The following CEP162 variants were observed in gnomAD, a reference collection of about 807,000 sequenced individuals.
CEP162 encodes centrosomal protein 162, also known as centrosomal protein of 162 kDa.
A neutral mutation model predicts 169.2 loss-of-function variants in CEP162; 141 were observed. The ratio of observed to expected loss-of-function variants is 0.83; its 90% CI spans 0.73 to 0.96. The LOEUF (loss-of-function observed/expected upper bound fraction) is 0.96. CEP162 is among the 40% of genes least tolerant of loss of function. CEP162 has a pLI of 0.00. For missense variants in CEP162, 1,600 were observed against 1,587.2 expected, an observed-to-expected ratio of 1.01 and a Z score of -0.14; for synonymous variants, 540 against 526.4, an observed-to-expected ratio of 1.03 and a Z score of -0.35.
rs149131177 is a variant in CEP162, at chr6:84,215,832, T to A, written c.263A>T (p.Gln88Leu). 3.4e-4 allele frequency: 534 copies of A among 1,588,414 alleles called. 2 individuals are homozygous for A. In the African/African-American group the frequency reaches 6.4e-3, roughly 19 times the overall value. Reference sequence around the variant, plus strand: ...AGAGGTTCCACTGCTCTTAAGAAATTGAATCTTTTCAGCAGACTCCTCTTC... The same window carrying A: ...AGAGGTTCCACTGCTCTTAAGAAATAGAATCTTTTCAGCAGACTCCTCTTC... ...EIEEESAEKI[Q>L]FLKSSGTSLL... The change falls in exon 4 of 27, where the codon CAA (glutamine) becomes CTA (leucine). Residue 88 changes from glutamine to leucine, a missense_variant. Transcript: ENST00000403245.
chr6:84,191,414 C>T (rs926569991), intron 11 of CEP162, among the ~76,000 whole-genome samples: 3 of 152,134 alleles, frequency 2.0e-5, no homozygotes, highest in Middle Eastern at 6.3e-3. Flanking sequence ...AAAATAAACC[C>T]CTATTCCCAA....
rs142613435 is a variant in CEP162, at chr6:84,185,192, T to C, written c.1658A>G (p.Lys553Arg). 1.0e-4 allele frequency: 161 copies of C among 1,609,732 alleles called. No individual in the cohort carries two copies. The African/African-American group carries it at 1.6e-3, about 16-fold the overall frequency. ...AATAAAGAGTATATGATTACCTTTT[T>C]TCCTAGGTTGATTGGAGGTAGAAAT... ...RSISTSNQPRKKEILSGTKLI... is the reference protein window; with the variant it reads ...RSISTSNQPRRKEILSGTKLI... Residue 553 changes from lysine (K) to arginine (R), a missense_variant, in exon 13 of 27, where the codon AAA becomes AGA. Physicochemically the swap from Lys to Arg is conservative, Grantham distance 26. Transcript: ENST00000403245.
At chr6:84,129,016 T>C (rs898743295) in intron 25 of CEP162, among the ~76,000 whole-genome samples, 3 of 152,342 alleles carry the variant, frequency 2.0e-5, no homozygotes, top group African/African-American at 7.2e-5. Context: ...GCAAAGGACA[T>C]GACCTCATTC....
chr6:84,217,857 A>G (rs560602689), intron 3 of CEP162: 1 of 152,370 alleles, frequency 6.6e-6, no homozygotes, highest in South Asian at 2.1e-4. Flanking sequence ...AGTTCAGTAG[A>G]TAACTGCAAC....
chr6:84,125,324 G>C, intron 26 of CEP162, 48 bp from the exon 27 acceptor site: 1 of 1,514,034 alleles, frequency 6.6e-7, no homozygotes, highest in Non-Finnish European at 9.1e-7. Flanking sequence ...ATAGTGGTGG[G>C]TGAGGAACAT....
chr6:84,189,619 G>A lies in CEP162; in HGVS notation c.1110-2996C>T, dbSNP rs1402461110. On this transcript the variant is annotated intron_variant, in intron 11 of 26. Coordinates refer to ENST00000403245, the MANE Select transcript of CEP162 (RefSeq NM_014895.4). ...GCTGCCTTCCCACAGGGCAGGGCTC[G>A]GGACCTGCAGCCCGCCATGCCTGAG... Among the ~76,000 whole-genome samples the A allele has an allele frequency of 1.6e-4, 24 of 152,206 alleles. 1 individual carries two copies. Among genetic ancestry groups the A allele is most frequent in the Admixed American group, 1.0e-3 (16 of 15,286 alleles).
At chr6:84,206,320 C>T (rs62449311) in intron 6 of CEP162, among the ~76,000 whole-genome samples, 23,720 of 147,028 alleles carry the variant, frequency 0.16, 4,810 homozygotes, top group African/African-American at 0.48. Context: ...CTTCAAACTA[C>T]ACTACAAGGC....
At chr6:84,169,709 GA>G (rs1250393697) in intron 17 of CEP162, among the ~76,000 whole-genome samples, 4 of 151,946 alleles carry the variant, frequency 2.6e-5, no homozygotes, top group Non-Finnish European at 5.9e-5. Context: ...ATTCTCAGAG[GA>G]AAAAAATTAA....
At position 84,171,654 on chromosome 6, in the gene CEP162, C is replaced by T. The variant is rs142624944; in HGVS notation, c.2231G>A (p.Arg744Gln). 5,056 of 1,552,696 alleles carry T rather than the reference C, an allele frequency of 3.3e-3. 27 individuals carry two copies. Among genetic ancestry groups the T allele is most frequent in the Middle Eastern group, 7.3e-3 (43 of 5,862 alleles). ...LQEQNKKNEE[R>Q]MFKENQSLFS... is the part of the protein sequence containing the mutation. Reference sequence around the variant, plus strand: ...TAAACTTTGGTTTTCCTTAAACATTCGCTCCTCATTTTTCTTGTTTTGTTC... The same window carrying T: ...TAAACTTTGGTTTTCCTTAAACATTTGCTCCTCATTTTTCTTGTTTTGTTC... The change falls in exon 17 of 27, where the codon CGA (arginine) becomes CAA (glutamine). Residue 744 changes from arginine (R) to glutamine (Q), a missense_variant. Arg to Gln is a conservative substitution (Grantham distance 43). Transcript: ENST00000403245.
At position 84,215,788 on chromosome 6, in the gene CEP162, A is replaced by C; in HGVS notation, c.307T>G (p.Leu103Val). The change falls in exon 4 of 27, where the codon TTA (leucine) becomes GTA (valine). Residue 103 changes from leucine to valine, a missense_variant. Transcript: ENST00000403245. ...SGTSLLSTDSLETNELVVSEL... is the reference protein window; with the variant it reads ...SGTSLLSTDSVETNELVVSEL... ...TTGCATTTCTTACCATTTGTTTCTA[A>C]GCTATCAGTACTTAAGAGAGAGGTT... The C allele has an allele frequency of 6.3e-7, 1 of 1,588,432 alleles. No individual in the cohort carries two copies. Among genetic ancestry groups the C allele is most frequent in the Non-Finnish European group, 8.6e-7 (1 of 1,165,616 alleles).
intron 11 of CEP162, among the ~76,000 whole-genome samples, chr6:84,193,320 T>A (rs2099540694): frequency 6.6e-6 from 1 of 152,224 alleles, no homozygotes; most frequent in African/African-American, 2.4e-5. Flanking sequence ...TTCTCCCTCA[T>A]CATGAATGAA....
chr6:84,132,477 C>T (rs2099512001), intron 25 of CEP162, among the ~76,000 whole-genome samples: 1 of 152,194 alleles, frequency 6.6e-6, no homozygotes, highest in Non-Finnish European at 1.5e-5. Context: ...CTTTCAGGTA[C>T]ACCAATCAGA....
intron 25 of CEP162, among the ~76,000 whole-genome samples, chr6:84,132,985 G>T (rs2099512247): frequency 6.6e-6 from 1 of 152,070 alleles, no homozygotes; most frequent in Non-Finnish European, 1.5e-5. Context: ...CCCCATCTTT[G>T]TGGTTTTATC....
At chr6:84,128,255 TAC>T (rs2099509741) in intron 25 of CEP162, among the ~76,000 whole-genome samples, 1 of 152,196 alleles carries the variant, frequency 6.6e-6, no homozygotes, top group African/African-American at 2.4e-5. Flanking sequence ...TAATTGCACC[TAC>T]CTAAAAGAAC....
At chr6:84,189,460 G>A (rs940423976) in intron 11 of CEP162, among the ~76,000 whole-genome samples, 4 of 152,334 alleles carry the variant, frequency 2.6e-5, no homozygotes, top group East Asian at 1.9e-4. Flanking sequence ...CCCCGCACTC[G>A]GAGCAGCCAG....
rs75251993 is a variant in CEP162, at chr6:84,149,457, C to A, written c.3771+105G>T. Reference sequence around the variant, plus strand: ...ATAGTTTCCCATTTCTATCACCAAGCTGAAAAAGTTAAAACATTTCCAAAT... The same window carrying A: ...ATAGTTTCCCATTTCTATCACCAAGATGAAAAAGTTAAAACATTTCCAAAT... On this transcript the variant is annotated intron_variant, in intron 24 of 26. Coordinates refer to ENST00000403245, the MANE Select transcript of CEP162 (RefSeq NM_014895.4). 1.1e-3 allele frequency: 880 copies of A among 834,614 alleles called. 2 individuals are homozygous for A. The highest frequency in any genetic ancestry group is 1.9e-3 in the Middle Eastern group (5 of 2,632). 51.7% of individuals were successfully genotyped at this position (834,614 alleles called of 1,614,324 possible).
rs547733602 is a variant in CEP162, at chr6:84,189,511, G to A, written c.1110-2888C>T. 3.0e-3 allele frequency among the ~76,000 whole-genome samples: 455 copies of A among 152,308 alleles called. 2 individuals carry two copies. The highest frequency in any genetic ancestry group is 9.9e-3 in the African/African-American group (411 of 41,568). The stretch of plus-strand genomic sequence containing the variant: ...CTGGGCAATGGGGGACTTAGCACCC[G>A]GGCCAGTGGCTGCAGAGGGTGTACT... On this transcript the variant is annotated intron_variant, in intron 11 of 26. Coordinates refer to ENST00000403245, the MANE Select transcript of CEP162 (RefSeq NM_014895.4).
intron 21 of CEP162, among the ~76,000 whole-genome samples, chr6:84,157,822 CT>C (rs1294697222): frequency 1.3e-5 from 2 of 152,118 alleles, no homozygotes; most frequent in Non-Finnish European, 2.9e-5. Flanking sequence ...AGTGTGTAAA[CT>C]TTTTGCAATA....
At chr6:84,227,282 TAAC>T (rs1314457573) in intron 1 of CEP162, among the ~76,000 whole-genome samples, 1 of 151,986 alleles carries the variant, frequency 6.6e-6, no homozygotes, top group Non-Finnish European at 1.5e-5. Context: ...TCGTGCAGAG[TAAC>T]ACCTCTTCCC....
Sources: allele counts gnomAD v4.1 joint callset (sites outside exome capture counted in the v4.1 genomes callset), GRCh38; gene constraint gnomAD v4.1.1; transcripts MANE v1.5; gene names NCBI Gene and HGNC (gene_info 2026-07-23, HGNC 2026-07-21).